Variants in UAP1 observed in about 807,000 individuals in gnomAD.
UAP1 encodes the protein UDP-N-acetylhexosamine pyrophosphorylase.
UAP1 carries 25 observed loss-of-function variants against 58.5 expected under a neutral mutation model. The observed-to-expected ratio is 0.43, with a 90% CI of 0.31 to 0.60. The LOEUF is 0.60. Ranked by LOEUF, UAP1 falls within the 20% of genes least tolerant of loss-of-function variation. The probability of loss-of-function intolerance (pLI) is 0.11; values close to 1 mark genes in which losing one functional copy is unlikely to be tolerated. For missense variants in UAP1, 575 were observed against 630.0 expected, an observed-to-expected ratio of 0.91 and a Z score of 0.93; for synonymous variants, 208 against 213.0, an observed-to-expected ratio of 0.98 and a Z score of 0.21.
intron 3 of UAP1, 40 bp from the exon 4 acceptor site, chr1:162,579,388 C>CT (rs1419511378): frequency 7.1e-7 from 1 of 1,411,118 alleles, no homozygotes; most frequent in Non-Finnish European, 9.3e-7. Context: ...CCTAGTCCAC[C>CT]TAGCACGGTT....
chr1:162,588,671 C>A (rs1170836375), intron 6 of UAP1, 22 bp from the exon 7 acceptor site: 5 of 1,589,260 alleles, frequency 3.1e-6, no homozygotes, highest in Admixed American at 1.8e-5. Flanking sequence ...GTGATTATAT[C>A]TTTTCTCCTC....
chr1:162,571,185 A>G (rs1457654936), intron 2 of UAP1, among the ~76,000 whole-genome samples: 1 of 150,808 alleles, frequency 6.6e-6, no homozygotes, highest in Non-Finnish European at 1.5e-5. Context: ...CTGGAGTGCA[A>G]TGGCATGATC....
intron 2 of UAP1, among the ~76,000 whole-genome samples, chr1:162,571,492 A>G (rs1653863655): frequency 6.6e-6 from 1 of 151,916 alleles, no homozygotes. Flanking sequence ...AAAATTATTA[A>G]CCCTTATGTC....
intron 9 of UAP1, among the ~76,000 whole-genome samples, chr1:162,595,640 G>A (rs1655577433): frequency 6.6e-6 from 1 of 152,114 alleles, no homozygotes; most frequent in Non-Finnish European, 1.5e-5. Flanking sequence ...TAGGTTTATA[G>A]GTGCTATTAG....
At chr1:162,584,578 G>A (rs1445921484) in intron 5 of UAP1, among the ~76,000 whole-genome samples, 1 of 152,136 alleles carries the variant, frequency 6.6e-6, no homozygotes, top group Non-Finnish European at 1.5e-5. Context: ...GACCTCCTGG[G>A]TTCAGGTGAT....
intron 3 of UAP1, among the ~76,000 whole-genome samples, chr1:162,579,068 T>G (rs1228335381): frequency 6.6e-6 from 1 of 152,220 alleles, no homozygotes; most frequent in East Asian, 1.9e-4. Flanking sequence ...TAAACTGTAT[T>G]GCAGTTACCC....
At chr1:162,574,013 G>A (rs1654022965) in intron 2 of UAP1, among the ~76,000 whole-genome samples, 1 of 151,282 alleles carries the variant, frequency 6.6e-6, no homozygotes, top group Non-Finnish European at 1.5e-5. Context: ...AATGTTCTTG[G>A]ACTATACTTA....
At chr1:162,599,277 G>A in exon 11 of UAP1, 1 of 1,609,754 alleles carries the variant, frequency 6.2e-7, no homozygotes. Context: ...TTAGGGATTA[G>A]AAAGTTATGT....
chr1:162,577,263 A>G (rs1406292896), intron 3 of UAP1, among the ~76,000 whole-genome samples: 2 of 151,684 alleles, frequency 1.3e-5, no homozygotes, highest in Non-Finnish European at 2.9e-5. Flanking sequence ...TCATATTTTC[A>G]GGTACCAGGT....
chr1:162,592,740 CA>C lies in UAP1; in HGVS notation c.1370del (p.Asn457MetfsTer15). 6.5e-7 allele frequency: 1 copy of C among 1,549,332 alleles called. No individual in the cohort carries two copies. Among genetic ancestry groups the C allele is most frequent in the Non-Finnish European group, 8.7e-7 (1 of 1,145,700 alleles). On this transcript the variant is annotated frameshift_variant, in exon 9 of 11. Coordinates refer to ENST00000271469, the Ensembl canonical transcript of UAP1. LOFTEE classifies it high-confidence loss of function. Reference sequence around the variant, plus strand: ...TATTTATTCCCACATAGCAGTGCTACAAATGGGAAGTCAGAGACCATCACAG... The same window carrying C: ...TATTTATTCCCACATAGCAGTGCTACAATGGGAAGTCAGAGACCATCACAG...
At chr1:162,584,367 C>T (rs1285508200) in intron 5 of UAP1, among the ~76,000 whole-genome samples, 1 of 152,182 alleles carries the variant, frequency 6.6e-6, no homozygotes, top group African/African-American at 2.4e-5. Flanking sequence ...CATAATTGCT[C>T]CCCTGCCCTT....
At chr1:162,590,547 T>G in intron 8 of UAP1, 36 bp downstream of exon 8, 2 of 1,525,590 alleles carry the variant, frequency 1.3e-6, no homozygotes, top group African/African-American at 1.4e-5. Context: ...TATGAATCCT[T>G]TCTTGGACTT....
At position 162,590,492 on chromosome 1, in the gene UAP1, C is replaced by T. The variant is rs61747497; in HGVS notation, c.1339C>T (p.Arg447Cys). The change falls in exon 8 of 11, where the codon CGC becomes TGC. Residue 447 changes from arginine (R) to cysteine (C), a missense_variant. By Grantham distance (180) the Arg-to-Cys change is radical (BLOSUM62 -3). Coordinates refer to ENST00000271469, the Ensembl canonical transcript of UAP1. ...CCATTTCATAGATGAAAATGGCTCT[C>T]GCCTTCCAGCAATTCCCCGGTAAGT... 1,202 of 1,600,180 alleles carry T rather than the reference C, an allele frequency of 7.5e-4. 3 individuals carry two copies. Among genetic ancestry groups the T allele is most frequent in the Non-Finnish European group, 7.9e-4 (927 of 1,174,118 alleles).
At chr1:162,572,432 G>A (rs1263195133) in intron 2 of UAP1, among the ~76,000 whole-genome samples, 1 of 152,214 alleles carries the variant, frequency 6.6e-6, no homozygotes, top group Non-Finnish European at 1.5e-5. Context: ...CAGGTGAGCA[G>A]GAGCTGAGAC....
chr1:162,592,454 C>T (rs1312332619), intron 8 of UAP1, among the ~76,000 whole-genome samples: 4 of 152,156 alleles, frequency 2.6e-5, no homozygotes, highest in African/African-American at 9.7e-5. Context: ...ACTGGTTTTA[C>T]AAGAAGCAGC....
chr1:162,586,591 T>C (rs1571081368), intron 5 of UAP1, among the ~76,000 whole-genome samples: 1 of 152,248 alleles, frequency 6.6e-6, no homozygotes, highest in East Asian at 1.9e-4. Flanking sequence ...TTATCTTATC[T>C]GAACCTTGAT....
chr1:162,565,953 A>G, intron 1 of UAP1, 59 bp from the exon 2 acceptor site: 1 of 1,127,912 alleles, frequency 8.9e-7, no homozygotes, highest in Non-Finnish European at 1.3e-6. Flanking sequence ...AGAGGGGAAA[A>G]AAGCCCTCAA....
At chr1:162,579,895 C>T (rs1205283490) in intron 4 of UAP1, among the ~76,000 whole-genome samples, 2 of 152,128 alleles carry the variant, frequency 1.3e-5, no homozygotes, top group Admixed American at 1.3e-4. Context: ...GACAGAGTCT[C>T]ACTCTGTTGC....
chr1:162,565,751 A>G (rs929857145), intron 1 of UAP1, among the ~76,000 whole-genome samples: 8 of 152,188 alleles, frequency 5.3e-5, no homozygotes, highest in Non-Finnish European at 1.0e-4. Context: ...CTGTCTTCTC[A>G]GCTGTAAAAG....
Sources: gnomAD v4.1 joint callset for allele counts (sites outside exome capture counted in the v4.1 genomes callset) on GRCh38, gnomAD v4.1.1 for gene constraint, MANE v1.5 for transcripts, NCBI Gene and HGNC (gene_info 2026-07-23, HGNC 2026-07-21) for gene names.